Variants in WHRN observed in about 807,000 individuals in gnomAD.
WHRN encodes the protein whirlin.
WHRN carries 41 observed loss-of-function variants against 68.3 expected under a neutral mutation model. The observed-to-expected ratio is 0.60, with a 90% CI of 0.47 to 0.78. WHRN has a LOEUF of 0.78. Among genes scored for constraint, WHRN ranks in the 30% least tolerant of loss-of-function variants. The pLI, the probability that WHRN is intolerant of heterozygous loss-of-function variation, is 0.00. For missense variants in WHRN, 1,243 were observed against 1,244.7 expected (o/e 1.00, Z 0.02); for synonymous variants, 560 against 561.3 (o/e 1.00, Z 0.03).
At chr9:114,425,167 T>G (rs1214009244) in intron 4 of WHRN, 143 bp from the exon 5 acceptor site, 2 of 840,630 alleles carry the variant, frequency 2.4e-6, no homozygotes, top group South Asian at 2.7e-5. Context: ...CAGTTCAGTC[T>G]GGGGGCTACT....
chr9:114,447,626 T>C (rs985969471), intron 3 of WHRN, among the ~76,000 whole-genome samples: 4 of 152,170 alleles, frequency 2.6e-5, no homozygotes, highest in South Asian at 4.1e-4. Flanking sequence ...AACTGTGCTG[T>C]GGTTTGAATG....
chr9:114,436,403 C>A (rs1457105722), intron 3 of WHRN, among the ~76,000 whole-genome samples: 2 of 152,030 alleles, frequency 1.3e-5, no homozygotes, highest in Non-Finnish European at 2.9e-5. Flanking sequence ...AACAAATGTA[C>A]CCCTTGTACA....
intron 1 of WHRN, among the ~76,000 whole-genome samples, chr9:114,493,383 G>C (rs2133343647): frequency 7.3e-6 from 1 of 137,134 alleles, no homozygotes. Flanking sequence ...TGGGGGTGGG[G>C]GGGTGGGGAG....
intron 6 of WHRN, 36 bp from the exon 7 acceptor site, chr9:114,423,559 G>A: frequency 6.3e-7 from 1 of 1,580,054 alleles, no homozygotes; most frequent in Non-Finnish European, 8.6e-7. Flanking sequence ...TCAGCAGGGA[G>A]CGCTACTAGA....
rs1017192540 is a variant in WHRN, at chr9:114,505,116, G to A, written c.-315C>T. ...GCGGAGACTGCTGCTGGAGTCCGGG[G>A]GGCGCGGGGTCAGCAGCTACATTCT... On this transcript the variant is annotated 5_prime_UTR_variant, in exon 1 of 12. Transcript: ENST00000362057. 9.3e-6 allele frequency: 3 copies of A among 322,160 alleles called. No homozygotes were observed. The highest frequency in any genetic ancestry group is 4.4e-5 in the African/African-American group (2 of 45,948). 20.0% of individuals were successfully genotyped at this position (322,160 alleles called of 1,614,324 possible).
Position 114,504,754 on chromosome 9 carries a change from G to C in WHRN, c.48C>G (p.Gly16=). Residue 16 remains glycine (G), a synonymous_variant, in exon 1 of 12, where the codon GGC becomes GGG. Transcript: ENST00000362057. ...DGLSVSSSST[G]SLGSAAGAGG... ...CCGCCCCGGCCGCCGAGCCCAGCGA[G>C]CCGGTGGAGGACGAGCTCACCGACA... 6.6e-7 allele frequency: 1 copy of C among 1,508,362 alleles called. No individual in the cohort carries two copies. The highest frequency in any genetic ancestry group is 8.8e-7 in the Non-Finnish European group (1 of 1,137,930). 93.4% of individuals were successfully genotyped at this position (1,508,362 alleles called of 1,614,324 possible).
intron 7 of WHRN, among the ~76,000 whole-genome samples, chr9:114,414,631 C>G (rs529977811): frequency 2.0e-5 from 3 of 152,316 alleles, no homozygotes; most frequent in East Asian, 3.9e-4. Flanking sequence ...TTCCAGCAAT[C>G]CCAAGTTGTC....
At chr9:114,502,721 C>T (rs1366535003) in intron 1 of WHRN, among the ~76,000 whole-genome samples, 2 of 152,150 alleles carry the variant, frequency 1.3e-5, no homozygotes, top group African/African-American at 4.8e-5. Context: ...CGTTAAGTTA[C>T]CCAAGTCTTT....
At chr9:114,409,363 A>G (rs1432694545) in intron 7 of WHRN, among the ~76,000 whole-genome samples, 1 of 152,226 alleles carries the variant, frequency 6.6e-6, no homozygotes, top group African/African-American at 2.4e-5. Flanking sequence ...ATATAATGCA[A>G]TCGGGGGAGG....
At chr9:114,483,240 C>T (rs1213603122) in intron 1 of WHRN, among the ~76,000 whole-genome samples, 2 of 152,200 alleles carry the variant, frequency 1.3e-5, no homozygotes, top group African/African-American at 4.8e-5. Flanking sequence ...CTTTCAATAT[C>T]TACGCAGGCT....
intron 3 of WHRN, among the ~76,000 whole-genome samples, chr9:114,458,211 C>T (rs1208414110): frequency 6.6e-6 from 1 of 152,190 alleles, no homozygotes; most frequent in Admixed American, 6.5e-5. Context: ...GTCTGACCTA[C>T]TGTACACAGT....
chr9:114,503,348 A>T, intron 1 of WHRN: 5 of 239,560 alleles, frequency 2.1e-5, no homozygotes, highest in South Asian at 1.5e-4. Flanking sequence ...GGAGGGGGGA[A>T]GGGGGAAAAA....
intron 1 of WHRN, among the ~76,000 whole-genome samples, chr9:114,490,172 G>A (rs907201105): frequency 7.9e-5 from 12 of 152,152 alleles, no homozygotes; most frequent in African/African-American, 2.9e-4. Context: ...TAAATCGAGT[G>A]GACCACAGAG....
At position 114,404,101 on chromosome 9, in the gene WHRN, G is replaced by A. The variant is rs768639281; in HGVS notation, c.2237-24C>T. The A allele has an allele frequency of 9.3e-6, 15 of 1,609,244 alleles. No individual in the cohort carries two copies. The East Asian group carries it at 3.3e-4, about 36-fold the overall frequency. On this transcript the variant is annotated intron_variant, in intron 9 of 11. Transcript: ENST00000362057. ...TGCTGGAGAGGGGAAAAGGAAGAGA[G>A]AAGCAGCTTATATAGCTGGGGTCAG...
intron 10 of WHRN, 35 bp downstream of exon 10, chr9:114,403,861 T>C (rs746599221): frequency 6.2e-7 from 1 of 1,607,510 alleles, no homozygotes; most frequent in Non-Finnish European, 8.5e-7. Context: ...CCCGTGTTCC[T>C]CTCAGCCCTC....
chr9:114,441,109 A>G (rs1838336974), intron 3 of WHRN, among the ~76,000 whole-genome samples: 2 of 151,976 alleles, frequency 1.3e-5, no homozygotes, highest in South Asian at 4.1e-4. Context: ...AAGGCACTAT[A>G]AATGTATTTT....
Position 114,461,806 on chromosome 9 carries a change from A to C in WHRN, c.963+4461T>G, listed in dbSNP as rs534159317. Among the ~76,000 whole-genome samples the C allele has an allele frequency of 2.0e-5, 3 of 152,322 alleles. No individual in the cohort carries two copies. The East Asian group carries it at 5.8e-4, about 29-fold the overall frequency. ...CCCTGGCATACACTCAATTGGTTCC[A>C]TGTGCTTTGCCATCTTGGTATTATT... is the stretch of plus-strand genomic sequence containing the variant. On this transcript the variant is annotated intron_variant, in intron 3 of 11. Coordinates refer to ENST00000362057, the MANE Select transcript of WHRN (RefSeq NM_015404.4).
At chr9:114,408,138 C>G (rs995183342) in intron 7 of WHRN, 120 bp from the exon 8 acceptor site, 2 of 772,576 alleles carry the variant, frequency 2.6e-6, no homozygotes, top group South Asian at 2.9e-5. Flanking sequence ...TCATGTGAGC[C>G]CTGACATACC....
chr9:114,451,771 G>C (rs1209034183), intron 3 of WHRN, among the ~76,000 whole-genome samples: 1 of 152,226 alleles, frequency 6.6e-6, no homozygotes, highest in Non-Finnish European at 1.5e-5. Context: ...AGAGGGAAGA[G>C]ATGAGAATGG....
Sources: allele counts gnomAD v4.1 joint callset (sites outside exome capture counted in the v4.1 genomes callset), GRCh38; gene constraint gnomAD v4.1.1; transcripts MANE v1.5; gene names NCBI Gene and HGNC (gene_info 2026-07-23, HGNC 2026-07-21).